Variants in AKAP19 observed in about 807,000 individuals in gnomAD.
The protein encoded by AKAP19 is small A-kinase anchoring protein.
At chr2:189,912,736 C>A in the AKAP19 span, among the ~76,000 whole-genome samples, 1 of 152,054 alleles carries the variant, frequency 6.6e-6, no homozygotes, top group Non-Finnish European at 1.5e-5. Flanking sequence ...GTTAACATGT[C>A]AACATTTTAC....
At chr2:190,014,563 A>C in the AKAP19 span, among the ~76,000 whole-genome samples, 1 of 152,058 alleles carries the variant, frequency 6.6e-6, no homozygotes, top group South Asian at 2.1e-4. Flanking sequence ...TAACCACATC[A>C]TTCCACTCCT....
At chr2:189,918,848 G>T in the AKAP19 span, among the ~76,000 whole-genome samples, 1 of 152,172 alleles carries the variant, frequency 6.6e-6, no homozygotes, top group South Asian at 2.1e-4. Context: ...CTGGCACATA[G>T]TATAGTGTGG....
chr2:190,127,954 T>G, the AKAP19 span, among the ~76,000 whole-genome samples: 2 of 151,310 alleles, frequency 1.3e-5, no homozygotes, highest in East Asian at 3.8e-4. Context: ...AGATATAAAA[T>G]TTAAATCACA....
At chr2:189,924,883 A>AAAAT in the AKAP19 span, among the ~76,000 whole-genome samples, 3,887 of 151,964 alleles carry the variant, frequency 0.026, 125 homozygotes, top group African/African-American at 0.077. Context: ...ACCAGGGGAA[A>AAAAT]AAATAAATAA....
At chr2:190,171,694 G>A in the AKAP19 span, among the ~76,000 whole-genome samples, 16 of 151,992 alleles carry the variant, frequency 1.1e-4, no homozygotes, top group Non-Finnish European at 2.1e-4. Context: ...TAAATTCAAT[G>A]GACAGTGTTT....
the AKAP19 span, chr2:190,180,826 G>GC: frequency 1.0e-6 from 1 of 985,250 alleles, no homozygotes; most frequent in Non-Finnish European, 1.2e-6. This position sits in a 1 kb window ranked among gnomAD's most constrained non-coding sequence, Gnocchi z 6.8. Flanking sequence ...AGGAGGGGCC[G>GC]GGAGCCCGGG....
chr2:189,930,264 G>A, the AKAP19 span: 1 of 378,778 alleles, frequency 2.6e-6, no homozygotes, highest in Non-Finnish European at 4.4e-6. Context: ...AGACACCCTG[G>A]CTCAATAGTC....
At chr2:189,952,763 G>T in the AKAP19 span, among the ~76,000 whole-genome samples, 2 of 152,240 alleles carry the variant, frequency 1.3e-5, no homozygotes, top group Non-Finnish European at 2.9e-5. Context: ...CTTATTTTTT[G>T]ATCACATCTT....
chr2:190,193,080 T>C, the AKAP19 span, among the ~76,000 whole-genome samples: 1 of 152,138 alleles, frequency 6.6e-6, no homozygotes, highest in Non-Finnish European at 1.5e-5. Flanking sequence ...GCCTTGCTCC[T>C]GTCATAGGGA....
the AKAP19 span, among the ~76,000 whole-genome samples, chr2:190,129,696 A>G: frequency 1.3e-5 from 2 of 152,046 alleles, no homozygotes; most frequent in South Asian, 2.1e-4. Flanking sequence ...AAACCAGACA[A>G]GTGGAGAGGT....
At chr2:189,980,409 G>A in the AKAP19 span, among the ~76,000 whole-genome samples, 1 of 152,170 alleles carries the variant, frequency 6.6e-6, no homozygotes, top group Non-Finnish European at 1.5e-5. Context: ...TGCAATCTCA[G>A]CTCACTGCAA....
At chr2:189,998,884 T>A in the AKAP19 span, among the ~76,000 whole-genome samples, 1 of 148,506 alleles carries the variant, frequency 6.7e-6, no homozygotes, top group Non-Finnish European at 1.5e-5. Context: ...GCAATTTTCC[T>A]GCCCCAGCTG....
chr2:189,976,343 C>T, the AKAP19 span, among the ~76,000 whole-genome samples: 5 of 152,324 alleles, frequency 3.3e-5, no homozygotes, highest in East Asian at 5.8e-4. Flanking sequence ...CTGAAAGCTT[C>T]GTCTCAGGGG....
the AKAP19 span, among the ~76,000 whole-genome samples, chr2:190,129,715 G>A: frequency 6.6e-6 from 1 of 152,094 alleles, no homozygotes. Context: ...GTAGAGAGAT[G>A]TGAGTCTTGT....
the AKAP19 span, among the ~76,000 whole-genome samples, chr2:189,904,613 G>A: frequency 6.6e-6 from 1 of 151,932 alleles, no homozygotes; most frequent in African/African-American, 2.4e-5. Flanking sequence ...TCACTTTTGT[G>A]GTAAGATATT....
chr2:190,037,118 T>A, the AKAP19 span, among the ~76,000 whole-genome samples: 1 of 152,248 alleles, frequency 6.6e-6, no homozygotes, highest in Non-Finnish European at 1.5e-5. Flanking sequence ...AGAGCGGAAA[T>A]GGCTCAACTG....
At chr2:190,082,033 G>A in the AKAP19 span, among the ~76,000 whole-genome samples, 3 of 152,110 alleles carry the variant, frequency 2.0e-5, no homozygotes, top group Non-Finnish European at 4.4e-5. Context: ...CTTTTTACCT[G>A]GTAAGAGACC....
At chr2:190,113,117 G>C in the AKAP19 span, among the ~76,000 whole-genome samples, 1 of 151,762 alleles carries the variant, frequency 6.6e-6, no homozygotes, top group Non-Finnish European at 1.5e-5. Flanking sequence ...CATAATTTAA[G>C]AAAACCTGTA....
At chr2:190,141,031 A>T in the AKAP19 span, among the ~76,000 whole-genome samples, 1 of 152,182 alleles carries the variant, frequency 6.6e-6, no homozygotes, top group East Asian at 1.9e-4. Flanking sequence ...TTGCTAAAGC[A>T]TAGCAAGTGT....
Sources: gnomAD v4.1 joint callset for allele counts (sites outside exome capture counted in the v4.1 genomes callset) on GRCh38, gnomAD v4.1.1 for gene constraint, Gnocchi (gnomAD v3.1) non-coding constraint, MANE v1.5 for transcripts, NCBI Gene and HGNC (gene_info 2026-07-23, HGNC 2026-07-21) for gene names.